Variants in MTCL1 observed in about 807,000 individuals in gnomAD.
The protein encoded by MTCL1 is microtubule crosslinking factor 1.
MTCL1 carries 79 observed loss-of-function variants against 141.4 expected under a neutral mutation model. That is an observed-to-expected ratio of 0.56 (90% CI 0.47 to 0.67). The LOEUF is 0.67. MTCL1 is among the 30% of genes least tolerant of loss of function. MTCL1 has a pLI of 0.00. For missense variants in MTCL1, 2,177 were observed against 2,113.9 expected (o/e 1.03, Z -0.59); for synonymous variants, 914 against 875.8 (o/e 1.04, Z -0.77).
Position 8,830,881 on chromosome 18 carries a change from C to T in MTCL1, c.*19-726C>T, listed in dbSNP as rs554433111. 2.5e-5 allele frequency: 25 copies of T among 985,480 alleles called. No individual in the cohort carries two copies. Among genetic ancestry groups the T allele is most frequent in the South Asian group, 4.7e-5 (1 of 21,292 alleles). 61.0% of individuals were successfully genotyped at this position (985,480 alleles called of 1,614,324 possible). A position where few individuals can be genotyped will look rare whatever the true frequency, so the allele number is the denominator to read the frequency against. ...GAATAAGGATTCTAGGTGATTTGCA[C>T]ATGGTTGAGTGTGTCTTGCATCACC... On this transcript the variant is annotated intron_variant, in intron 16 of 16. Coordinates refer to ENST00000359865, the Ensembl canonical transcript of MTCL1. The surrounding 1 kb of genome is among the most constrained non-coding windows in gnomAD (Gnocchi z 6.4).
chr18:8,712,981 A>G (rs2096103362), upstream of MTCL1, among the ~76,000 whole-genome samples: 2 of 152,152 alleles, frequency 1.3e-5, no homozygotes, highest in Admixed American at 1.3e-4. Flanking sequence ...AACATGATTA[A>G]GAGTTTTCAT....
chr18:8,706,422 C>T (rs1198365533), exon 1 of MTCL1: 6 of 1,227,782 alleles, frequency 4.9e-6, no homozygotes, highest in African/African-American at 1.6e-5. Flanking sequence ...CGCCGAGCCC[C>T]GCAGCCCGAG....
In MTCL1 at chr18:8,726,496, CGCGCGCGCGCGCAAGAGCGAGCGA is replaced by C. The variant is rs1598404312; in HGVS notation, c.357+6002_357+6025del. ...AGGAGAGAGAGAGAGAGAGAGAGAG[CGCGCGCGCGCGCAAGAGCGAGCGA>C]GAGAGAGCGAGTGCGCATGCGCGCG... On this transcript the variant is annotated intron_variant, in intron 4 of 16. Coordinates refer to ENST00000359865, the Ensembl canonical transcript of MTCL1. Among the ~76,000 whole-genome samples, 3 of 91,526 alleles carry C rather than the reference CGCGCGCGCGCGCAAGAGCGAGCGA, an allele frequency of 3.3e-5. No individual in the cohort carries two copies. The Admixed American group carries it at 3.6e-4, about 11-fold the overall frequency. The allele number at this position is 91,526 out of a possible 152,430, so 60.0% of individuals were successfully genotyped here.
At chr18:8,831,886 G>A in exon 17 of MTCL1, 1 of 1,460,526 alleles carries the variant, frequency 6.8e-7, no homozygotes, top group Non-Finnish European at 9.3e-7. Flanking sequence ...TGCCCAACAG[G>A]AGAGATCTAG....
At chr18:8,751,268 T>C (rs2096369714) in intron 4 of MTCL1, among the ~76,000 whole-genome samples, 2 of 152,236 alleles carry the variant, frequency 1.3e-5, no homozygotes, top group African/African-American at 4.8e-5. Flanking sequence ...GTGTGTTCTG[T>C]CAAAAGAAGG....
At chr18:8,742,502 G>A (rs2096310011) in intron 4 of MTCL1, among the ~76,000 whole-genome samples, 1 of 152,196 alleles carries the variant, frequency 6.6e-6, no homozygotes, top group Admixed American at 6.5e-5. Flanking sequence ...TGAGAGCTGA[G>A]CAAAGGGGGA....
rs11081410 is a variant in MTCL1 at position 8,829,849 on chromosome 18, G to A, written c.*18+885G>A. 3,458 of 985,132 alleles carry A rather than the reference G, an allele frequency of 3.5e-3. 73 individuals are homozygous for A. The East Asian group carries it at 0.11, about 31-fold the overall frequency. 61.0% of individuals were successfully genotyped at this position (985,132 alleles called of 1,614,324 possible). A position where few individuals can be genotyped will look rare whatever the true frequency, so the allele number is the denominator to read the frequency against. On this transcript the variant is annotated intron_variant, in intron 16 of 16. Transcript: ENST00000359865. Reference sequence around the variant, plus strand: ...GCAGCATCGTTTGCTTGTACATGCCGGTGTGTTACTAAGGAAAAGGTTGAT... The same window carrying A: ...GCAGCATCGTTTGCTTGTACATGCCAGTGTGTTACTAAGGAAAAGGTTGAT...
chr18:8,828,971 G>A lies in MTCL1; in HGVS notation c.*18+7G>A, dbSNP rs1555679909. The A allele has an allele frequency of 6.2e-7, 1 of 1,614,062 alleles. No individual in the cohort carries two copies. The highest frequency in any genetic ancestry group is 8.5e-7 in the Non-Finnish European group (1 of 1,180,034). ...GCCCTGCCCGCCTCACGCTGTAAGT[G>A]CTTCCTTCCTTGTTTCCCAACTGTC... On this transcript the variant is annotated splice_region_variant and intron_variant, in intron 16 of 16. Transcript: ENST00000359865. This position sits in a 1 kb window ranked among gnomAD's most constrained non-coding sequence, Gnocchi z 5.2.
chr18:8,706,600 G>A (rs761213312), exon 1 of MTCL1: 2 of 1,522,110 alleles, frequency 1.3e-6, no homozygotes, highest in Admixed American at 2.1e-5. Context: ...ACCAGTCCCC[G>A]GGACCCCCAA....
intron 4 of MTCL1, among the ~76,000 whole-genome samples, chr18:8,751,310 T>C (rs980908957): frequency 2.0e-5 from 3 of 152,126 alleles, no homozygotes; most frequent in Non-Finnish European, 2.9e-5. Context: ...GGTCCTCAGT[T>C]GTCTGTTTTA....
rs1316274723 is a variant in MTCL1 at position 8,825,881 on chromosome 18, G to C, written c.4371G>C (p.Gln1457His). ...TCATTGACCACAGCCCCGTGGTGCA[G>C]GACCCCTTCCAGAAGGGGCTGCGGG... The change falls in exon 15 of 17, where the codon CAG becomes CAC. Residue 1457 changes from glutamine (Q) to histidine (H), a missense_variant. Coordinates refer to ENST00000359865, the Ensembl canonical transcript of MTCL1. The C allele has an allele frequency of 6.2e-7, 1 of 1,613,890 alleles. No homozygotes were observed. Among genetic ancestry groups the C allele is most frequent in the Non-Finnish European group, 8.5e-7 (1 of 1,179,980 alleles).
In MTCL1 at chr18:8,786,117, C is replaced by CT. The variant is rs772854015; in HGVS notation, c.1887+26_1887+27insT. On this transcript the variant is annotated intron_variant, in intron 7 of 16. Transcript: ENST00000359865. ...GTCAGCGTGGGCAAGCAATCCCCCCCCCCCGCCCTCCCCCTCCTTTTTCTG... is the reference window on the plus strand; with the variant it reads ...GTCAGCGTGGGCAAGCAATCCCCCCCTCCCCGCCCTCCCCCTCCTTTTTCTG... 22 of 1,394,682 alleles carry CT rather than the reference C, an allele frequency of 1.6e-5. No individual in the cohort carries two copies. In the African/African-American group the frequency reaches 1.9e-4, roughly 12 times the overall value. 86.4% of individuals were successfully genotyped at this position (1,394,682 alleles called of 1,614,324 possible).
At chr18:8,738,365 G>A (rs1313597826) in intron 4 of MTCL1, among the ~76,000 whole-genome samples, 1 of 152,204 alleles carries the variant, frequency 6.6e-6, no homozygotes, top group Admixed American at 6.5e-5. Context: ...GGAAACTCAT[G>A]AGTAAGGAGG....
intron 10 of MTCL1, among the ~76,000 whole-genome samples, chr18:8,805,542 G>A (rs887022939): frequency 6.6e-6 from 1 of 152,162 alleles, no homozygotes; most frequent in African/African-American, 2.4e-5. Flanking sequence ...TATGTTTAGT[G>A]GATCAACTAG....
At chr18:8,740,089 T>C (rs1369102628) in intron 4 of MTCL1, among the ~76,000 whole-genome samples, 1 of 152,260 alleles carries the variant, frequency 6.6e-6, no homozygotes, top group Admixed American at 6.5e-5. Context: ...CTGGCTGTAA[T>C]TGAAACAATT....
chr18:8,788,660 TGC>T, intron 7 of MTCL1, among the ~76,000 whole-genome samples: 1 of 152,294 alleles, frequency 6.6e-6, no homozygotes, highest in East Asian at 1.9e-4. Flanking sequence ...GTTAGCAGAT[TGC>T]AAATCTGGGC....
intron 4 of MTCL1, among the ~76,000 whole-genome samples, chr18:8,726,518 C>T (rs7244417): frequency 4.6e-5 from 6 of 130,922 alleles, no homozygotes; most frequent in African/African-American, 1.9e-4. Context: ...CAAGAGCGAG[C>T]GAGAGAGAGC....
intron 16 of MTCL1, chr18:8,829,269 G>T: frequency 1.0e-6 from 1 of 985,414 alleles, no homozygotes; most frequent in Non-Finnish European, 1.2e-6. Context: ...GTAGATACTG[G>T]CCAGGAGGGG....
At chr18:8,716,568 C>CTTTTTTTTTTTT (rs1567928941), upstream of MTCL1, among the ~76,000 whole-genome samples, 1 of 108,892 alleles carries the variant, frequency 9.2e-6, no homozygotes, top group African/African-American at 3.4e-5. Context: ...TCTTTTTGTT[C>CTTTTTTTTTTTT]ATTTTTTTTT....
Sources: gnomAD v4.1 joint callset for allele counts (sites outside exome capture counted in the v4.1 genomes callset) on GRCh38, gnomAD v4.1.1 for gene constraint, Gnocchi (gnomAD v3.1) non-coding constraint, MANE v1.5 for transcripts, NCBI Gene and HGNC (gene_info 2026-07-23, HGNC 2026-07-21) for gene names.